VPS33B: variants seen among roughly 807,000 people sequenced by gnomAD.
The protein encoded by VPS33B is vacuolar protein sorting-associated protein 33B.
In VPS33B, 80 loss-of-function variants were observed where a neutral mutation model predicts 95.3. That is an observed-to-expected ratio of 0.84 (90% CI 0.70 to 1.01). The LOEUF (loss-of-function observed/expected upper bound fraction) is 1.01, where lower values mean the gene tolerates loss of function less well. Ranked by LOEUF, VPS33B falls within the 50% of genes least tolerant of loss-of-function variation. VPS33B has a pLI of 0.00. For missense variants in VPS33B, 715 were observed against 773.4 expected, an observed-to-expected ratio of 0.92 and a Z score of 0.90; for synonymous variants, 280 against 280.4, an observed-to-expected ratio of 1.00 and a Z score of 0.01.
chr15:90,999,738 C>G lies in VPS33B; in HGVS notation c.1713G>C (p.Val571=), dbSNP rs745970132. ...SSESLRLILV[V]FLGGCTFSEI... is the part of the protein sequence containing the mutation. The stretch of plus-strand genomic sequence containing the variant: ...CAGAGAATGTACAACCACCCAAGAA[C>G]ACCACCAAGATGAGGCGCAGGGACT... Residue 571 remains valine (V), a synonymous_variant, in exon 22 of 23, where the codon GTG becomes GTC. Coordinates refer to ENST00000333371, the MANE Select transcript of VPS33B (RefSeq NM_018668.5). This position sits in a 1 kb window ranked among gnomAD's most constrained non-coding sequence, Gnocchi z 5.1. The G allele has an allele frequency of 6.2e-7, 1 of 1,614,192 alleles. No individual in the cohort carries two copies. The highest frequency in any genetic ancestry group is 1.3e-5 in the African/African-American group (1 of 75,062).
At chr15:91,003,253 C>A (rs2040495908) in intron 16 of VPS33B, 122 bp from the exon 17 acceptor site, 4 of 979,318 alleles carry the variant, frequency 4.1e-6, no homozygotes, top group Non-Finnish European at 6.6e-6. Flanking sequence ...AATGTTAACC[C>A]TGCAGAGTAT....
At chr15:91,021,484 C>G (rs959838901) in intron 1 of VPS33B, among the ~76,000 whole-genome samples, 1 of 152,176 alleles carries the variant, frequency 6.6e-6, no homozygotes, top group Non-Finnish European at 1.5e-5. Flanking sequence ...GATCTACGGT[C>G]TCCTAACTGG....
chr15:91,019,684 G>A (rs1342843427), intron 1 of VPS33B, among the ~76,000 whole-genome samples: 1 of 152,186 alleles, frequency 6.6e-6, no homozygotes, highest in Non-Finnish European at 1.5e-5. Flanking sequence ...GAGGCAGGGA[G>A]TCCACTTAGG....
chr15:91,003,435 G>A (rs2040501209), intron 16 of VPS33B, among the ~76,000 whole-genome samples: 1 of 151,660 alleles, frequency 6.6e-6, no homozygotes, highest in Non-Finnish European at 1.5e-5. Context: ...GACGACTCAT[G>A]CATTTATTTA....
In VPS33B at chr15:91,010,084, T is replaced by C. The variant is rs2040739558; in HGVS notation, c.358-238A>G. On this transcript the variant is annotated intron_variant, in intron 5 of 22. Coordinates refer to ENST00000333371, the MANE Select transcript of VPS33B (RefSeq NM_018668.5). This position sits in a 1 kb window ranked among gnomAD's most constrained non-coding sequence, Gnocchi z 5.7. ...ATTGCTTCTTATCTCCCTGAGAGAATGGAAGAGGTTTACAAAGGAGAAGGA... is the reference window on the plus strand; with the variant it reads ...ATTGCTTCTTATCTCCCTGAGAGAACGGAAGAGGTTTACAAAGGAGAAGGA... 6.6e-6 allele frequency among the ~76,000 whole-genome samples: 1 copy of C among 152,222 alleles called. No individual in the cohort carries two copies. The highest frequency in any genetic ancestry group is 6.5e-5 in the Admixed American group (1 of 15,282).
At position 91,003,142 on chromosome 15, in the gene VPS33B, AG is replaced by A; in HGVS notation, c.1226-12del. 2 of 1,614,196 alleles carry A rather than the reference AG, an allele frequency of 1.2e-6. No individual in the cohort carries two copies. The highest frequency in any genetic ancestry group is 1.7e-6 in the Non-Finnish European group (2 of 1,180,014). On this transcript the variant is annotated splice_polypyrimidine_tract_variant and intron_variant, in intron 16 of 22. Coordinates refer to ENST00000333371, the MANE Select transcript of VPS33B (RefSeq NM_018668.5). ...CCTTGGGGATCAAACCTAAGAGTGA[AG>A]AAAATAAGACAGGTGCATGAGAAAG... is the stretch of plus-strand genomic sequence containing the variant.
rs746491325 is a variant in VPS33B, at chr15:91,022,233, C to A, written c.17G>T (p.Arg6Leu). The A allele has an allele frequency of 3.2e-6, 5 of 1,577,484 alleles. No individual in the cohort carries two copies. The highest frequency in any genetic ancestry group is 4.3e-6 in the Non-Finnish European group (5 of 1,157,862). ...GTCAGGCAGCTCAGGGGCGTCCGGC[C>A]GATGGGGAAAAGCCATGGCAGCGGT... The part of the protein sequence containing the change: MAFPH[R>L]PDAPELPDFS... Residue 6 changes from arginine to leucine, a missense_variant, in exon 1 of 23, where the codon CGG (arginine) becomes CTG (leucine). Physicochemically the swap from Arg to Leu is moderately radical, Grantham distance 102. Coordinates refer to ENST00000333371, the MANE Select transcript of VPS33B (RefSeq NM_018668.5).
chr15:91,016,012 A>C (rs1161937407), intron 3 of VPS33B, among the ~76,000 whole-genome samples: 11 of 152,222 alleles, frequency 7.2e-5, no homozygotes. Flanking sequence ...GCTGTACATG[A>C]CTACATGCCG....
intron 16 of VPS33B, among the ~76,000 whole-genome samples, chr15:91,003,584 C>T (rs1349638058): frequency 6.6e-6 from 1 of 152,150 alleles, no homozygotes; most frequent in African/African-American, 2.4e-5. Flanking sequence ...GGATTACAGG[C>T]ATGCGCCACC....
chr15:91,003,394 T>C (rs1474954743), intron 16 of VPS33B, among the ~76,000 whole-genome samples: 2 of 152,100 alleles, frequency 1.3e-5, no homozygotes, highest in African/African-American at 4.8e-5. Context: ...TAGTGGGATG[T>C]GGGGAGGATG....
In VPS33B at chr15:90,999,728, C is replaced by T. The variant is rs902565905; in HGVS notation, c.1723G>A (p.Gly575Ser). ...GCTGAGATCTCAGAGAATGTACAAC[C>T]ACCCAAGAACACCACCAAGATGAGG... ...LRLILVVFLG[G>S]CTFSEISALR... The change falls in exon 22 of 23, where the codon GGT (glycine) becomes AGT (serine). Residue 575 changes from glycine to serine, a missense_variant. Coordinates refer to ENST00000333371, the MANE Select transcript of VPS33B (RefSeq NM_018668.5). The surrounding 1 kb of genome is among the most constrained non-coding windows in gnomAD (Gnocchi z 5.1). 3.7e-6 allele frequency: 6 copies of T among 1,614,072 alleles called. 1 individual carries two copies. The Middle Eastern group carries it at 4.9e-4, about 133-fold the overall frequency.
chr15:91,008,137 C>A (rs1476168790), intron 6 of VPS33B, among the ~76,000 whole-genome samples, 173 bp from the exon 7 acceptor site: 1 of 152,184 alleles, frequency 6.6e-6, no homozygotes, highest in African/African-American at 2.4e-5. Context: ...AGTCCCTGCC[C>A]TTAAGGAGCT....
Position 91,002,983 on chromosome 15 carries a change from G to T in VPS33B, c.1272+102C>A. 3 of 1,261,248 alleles carry T rather than the reference G, an allele frequency of 2.4e-6. No homozygotes were observed. Among genetic ancestry groups the T allele is most frequent in the Non-Finnish European group, 3.5e-6 (3 of 858,988 alleles). The allele number at this position is 1,261,248 out of a possible 1,614,324, so 78.1% of individuals were successfully genotyped here. ...GGGAGGCCTGAATGGAAACAGGAGGGTAATGGAGGCAGGAAAGGGGCCACT... is the reference window on the plus strand; with the variant it reads ...GGGAGGCCTGAATGGAAACAGGAGGTTAATGGAGGCAGGAAAGGGGCCACT... On this transcript the variant is annotated intron_variant, in intron 17 of 22. Coordinates refer to ENST00000333371, the MANE Select transcript of VPS33B (RefSeq NM_018668.5). This position sits in a 1 kb window ranked among gnomAD's most constrained non-coding sequence, Gnocchi z 4.7.
Position 91,002,634 on chromosome 15 carries a change from TA to T in VPS33B, c.1272+450del, listed in dbSNP as rs74516510. On this transcript the variant is annotated intron_variant, in intron 17 of 22. Transcript: ENST00000333371. This position sits in a 1 kb window ranked among gnomAD's most constrained non-coding sequence, Gnocchi z 4.7. ...AACAGAGCGAGACATCGTCTCGAAA[TA>T]AAAAAAAAAAAAAAAAGAAAAGAAA... Among the ~76,000 whole-genome samples, 807 of 88,714 alleles carry T rather than the reference TA, an allele frequency of 9.1e-3. 7 individuals are homozygous for T. The highest frequency in any genetic ancestry group is 0.023 in the African/African-American group (609 of 26,674). 58.2% of individuals were successfully genotyped at this position (88,714 alleles called of 152,430 possible). A position where few individuals can be genotyped will look rare whatever the true frequency, so the allele number is the denominator to read the frequency against.
At position 91,009,800 on chromosome 15, in the gene VPS33B, C is replaced by A; in HGVS notation, c.403+1G>T. The A allele has an allele frequency of 3.7e-6, 6 of 1,614,170 alleles. No homozygotes were observed. Among genetic ancestry groups the A allele is most frequent in the Non-Finnish European group, 5.1e-6 (6 of 1,180,016 alleles). On this transcript the variant is annotated splice_donor_variant, in intron 6 of 22. Coordinates refer to ENST00000333371, the MANE Select transcript of VPS33B (RefSeq NM_018668.5). LOFTEE classifies it high-confidence loss of function. This position sits in a 1 kb window ranked among gnomAD's most constrained non-coding sequence, Gnocchi z 4.1. ...TTCCACTCACATTCATCTCCTCTCACCTCCATAGATTCCCTCTTCCTCAAG... is the reference window on the plus strand; with the variant it reads ...TTCCACTCACATTCATCTCCTCTCAACTCCATAGATTCCCTCTTCCTCAAG...
In VPS33B at chr15:91,000,422, C is replaced by T. The variant is rs1027413395; in HGVS notation, c.1581+68G>A. ...AAATAAAAAAAAAAAAACATTGAGACACGCCAGGGACCAAGAGAAAGCAGA... is the reference window on the plus strand; with the variant it reads ...AAATAAAAAAAAAAAAACATTGAGATACGCCAGGGACCAAGAGAAAGCAGA... On this transcript the variant is annotated intron_variant, in intron 20 of 22. Transcript: ENST00000333371. The surrounding 1 kb of genome is among the most constrained non-coding windows in gnomAD (Gnocchi z 4.9). The T allele has an allele frequency of 2.4e-5, 34 of 1,399,222 alleles. No homozygotes were observed. In the African/African-American group the frequency reaches 4.2e-4, roughly 17 times the overall value. 86.7% of individuals were successfully genotyped at this position (1,399,222 alleles called of 1,614,324 possible).
At position 91,018,417 on chromosome 15, in the gene VPS33B, G is replaced by A. The variant is rs1025815527; in HGVS notation, c.97-532C>T. On this transcript the variant is annotated intron_variant, in intron 1 of 22. Transcript: ENST00000333371. The surrounding 1 kb of genome is among the most constrained non-coding windows in gnomAD (Gnocchi z 4.7). ...TTCCTGCACCACCACTCCTGACACC[G>A]ATCTCAATGTCTGTTCAGAGGAAGG... Among the ~76,000 whole-genome samples, 15 of 152,184 alleles carry A rather than the reference G, an allele frequency of 9.9e-5. No homozygotes were observed. Among genetic ancestry groups the A allele is most frequent in the Non-Finnish European group, 1.8e-4 (12 of 68,012 alleles).
At chr15:91,021,249 A>G (rs1167605160) in intron 1 of VPS33B, among the ~76,000 whole-genome samples, 2 of 152,256 alleles carry the variant, frequency 1.3e-5, no homozygotes, top group East Asian at 3.8e-4. Flanking sequence ...GAATACAGAC[A>G]TAAAATGAAT....
chr15:91,005,982 G>A lies in VPS33B; in HGVS notation c.930C>T (p.Ala310=). Residue 310 remains alanine (A), a synonymous_variant, in exon 12 of 23, where the codon GCC becomes GCT. Transcript: ENST00000333371. The surrounding 1 kb of genome is among the most constrained non-coding windows in gnomAD (Gnocchi z 6.4). ...FLSQKARNLQ[A]QYDRRRGMDI... Reference sequence around the variant, plus strand: ...GGGCTTGGAGCCTCACATCATACTGGGCCTGCAAGTTCCGGGCCTTCTGGC... The same window carrying A: ...GGGCTTGGAGCCTCACATCATACTGAGCCTGCAAGTTCCGGGCCTTCTGGC... 6.2e-7 allele frequency: 1 copy of A among 1,614,078 alleles called. No individual in the cohort carries two copies. The highest frequency in any genetic ancestry group is 8.5e-7 in the Non-Finnish European group (1 of 1,180,014).
Sources: allele counts gnomAD v4.1 joint callset (sites outside exome capture counted in the v4.1 genomes callset), GRCh38; gene constraint gnomAD v4.1.1; non-coding constraint Gnocchi (gnomAD v3.1); transcripts MANE v1.5; gene names NCBI Gene and HGNC (gene_info 2026-07-23, HGNC 2026-07-21).